The following THSD7A variants were observed in gnomAD, a reference collection of about 807,000 sequenced individuals.
The protein encoded by THSD7A is thrombospondin type-1 domain-containing protein 7A.
In THSD7A, 96 loss-of-function variants were observed where a neutral mutation model predicts 231.3. The ratio of observed to expected loss-of-function variants is 0.41; its 90% CI spans 0.35 to 0.49. The LOEUF is 0.49. Ranked by LOEUF, THSD7A falls within the 20% of genes least tolerant of loss-of-function variation. The pLI is 0.05. For synonymous variants in THSD7A, 940 were observed against 743.3 expected (o/e 1.26, Z -4.30); for missense variants, 2,290 against 2,070.2 (o/e 1.11, Z -2.06).
intron 1 of THSD7A, among the ~76,000 whole-genome samples, chr7:11,830,452 A>G (rs1274442831): frequency 1.3e-5 from 2 of 152,248 alleles, no homozygotes; most frequent in Non-Finnish European, 2.9e-5. Context: ...TAAATTAGAG[A>G]TCTTCAAATC....
chr7:11,478,275 C>T (rs1376505049), intron 7 of THSD7A, among the ~76,000 whole-genome samples: 1 of 152,146 alleles, frequency 6.6e-6, no homozygotes. Context: ...GGGCTGGCCA[C>T]CTTGATGCTG....
chr7:11,700,011 TAA>T (rs1186421933), intron 1 of THSD7A, among the ~76,000 whole-genome samples: 2 of 151,348 alleles, frequency 1.3e-5, no homozygotes, highest in African/African-American at 4.8e-5. Context: ...AGAATATCCT[TAA>T]AGTTATTTGG....
chr7:11,587,538 C>T lies in THSD7A; in HGVS notation c.1453+2922G>A, dbSNP rs1048196956. Among the ~76,000 whole-genome samples, 4 of 152,262 alleles carry T rather than the reference C, an allele frequency of 2.6e-5. No homozygotes were observed. In the South Asian group the frequency reaches 6.2e-4, roughly 24 times the overall value. On this transcript the variant is annotated intron_variant, in intron 4 of 27. Coordinates refer to ENST00000423059, the MANE Select transcript of THSD7A (RefSeq NM_015204.3). ...TACTCTTTACAGGTGCTATCTCCAA[C>T]TTAGGATATGTTCTGATGATATAAT... is the stretch of plus-strand genomic sequence containing the variant.
At chr7:11,780,997 C>CAAAAAAAAAAAAAAAAAAAAAAAAA (rs58931693) in intron 1 of THSD7A, among the ~76,000 whole-genome samples, 1 of 34,448 alleles carries the variant, frequency 2.9e-5, no homozygotes, top group African/African-American at 9.4e-5. Flanking sequence ...GACTCCGTCT[C>CAAAAAAAAAAAAAAAAAAAAAAAAA]AAAAAAAAAA....
At chr7:11,519,738 T>C (rs1335365647) in intron 6 of THSD7A, among the ~76,000 whole-genome samples, 1 of 152,214 alleles carries the variant, frequency 6.6e-6, no homozygotes, top group Non-Finnish European at 1.5e-5. Flanking sequence ...GACAGACTAA[T>C]ACCGATTTTA....
intron 4 of THSD7A, among the ~76,000 whole-genome samples, chr7:11,544,546 T>C (rs1789294148): frequency 6.6e-6 from 1 of 152,122 alleles, no homozygotes; most frequent in Non-Finnish European, 1.5e-5. Context: ...ACAGAGAAAT[T>C]AAAAAAATTT....
At position 11,407,438 on chromosome 7, in the gene THSD7A, G is replaced by T; in HGVS notation, c.3799-15C>A. The T allele has an allele frequency of 6.3e-7, 1 of 1,593,550 alleles. No homozygotes were observed. The highest frequency in any genetic ancestry group is 1.1e-5 in the South Asian group (1 of 89,184). On this transcript the variant is annotated splice_polypyrimidine_tract_variant and intron_variant, in intron 19 of 27. Coordinates refer to ENST00000423059, the MANE Select transcript of THSD7A (RefSeq NM_015204.3). ...TCCAAGCCAAGCTGGAAGAACAGAGGTAGATCAGGATGTATATTGTAAATT... is the reference window on the plus strand; with the variant it reads ...TCCAAGCCAAGCTGGAAGAACAGAGTTAGATCAGGATGTATATTGTAAATT...
chr7:11,434,255 G>A (rs185168490), intron 13 of THSD7A, among the ~76,000 whole-genome samples: 1 of 152,176 alleles, frequency 6.6e-6, no homozygotes, highest in Admixed American at 6.5e-5. Flanking sequence ...TAAAATAAAT[G>A]ACTTCACAAT....
At chr7:11,433,720 T>A (rs1022564973) in intron 13 of THSD7A, among the ~76,000 whole-genome samples, 1 of 152,054 alleles carries the variant, frequency 6.6e-6, no homozygotes, top group African/African-American at 2.4e-5. Flanking sequence ...TGGCCTTACA[T>A]GTCACTACCC....
intron 8 of THSD7A, among the ~76,000 whole-genome samples, chr7:11,470,394 T>C (rs1481165116): frequency 1.3e-5 from 2 of 152,054 alleles, no homozygotes; most frequent in Non-Finnish European, 2.9e-5. Context: ...ACTAGGCCTT[T>C]TGCCTATTAT....
At chr7:11,680,678 G>C (rs555374835) in intron 1 of THSD7A, among the ~76,000 whole-genome samples, 1 of 152,002 alleles carries the variant, frequency 6.6e-6, no homozygotes, top group Admixed American at 6.6e-5. Context: ...TTAGAATAGC[G>C]ATCATTCAAA....
chr7:11,760,320 C>T lies in THSD7A; in HGVS notation c.190+71437G>A, dbSNP rs74807629. Among the ~76,000 whole-genome samples, 545 of 152,010 alleles carry T rather than the reference C, an allele frequency of 3.6e-3. 4 individuals carry two copies. Among genetic ancestry groups the T allele is most frequent in the African/African-American group, 0.012 (515 of 41,484 alleles). The stretch of plus-strand genomic sequence containing the variant: ...TGTTGTAAGAAAGAACATTCAGTAA[C>T]GTTTAATAGATAGTGCTTCAAAAAT... On this transcript the variant is annotated intron_variant, in intron 1 of 27. Coordinates refer to ENST00000423059, the MANE Select transcript of THSD7A (RefSeq NM_015204.3).
chr7:11,472,150 TG>T (rs1158521816), intron 8 of THSD7A, among the ~76,000 whole-genome samples: 2 of 152,184 alleles, frequency 1.3e-5, no homozygotes, highest in Admixed American at 6.6e-5. Flanking sequence ...AAAATGAATT[TG>T]GACTTCCTTT....
chr7:11,813,972 C>A (rs929441282), intron 1 of THSD7A, among the ~76,000 whole-genome samples: 1 of 152,066 alleles, frequency 6.6e-6, no homozygotes. Context: ...TGTATTTATC[C>A]AGTGGAATTC....
In THSD7A at chr7:11,637,561, C is replaced by T. The variant is rs947948429; in HGVS notation, c.191-600G>A. On this transcript the variant is annotated intron_variant, in intron 1 of 27. Transcript: ENST00000423059. The surrounding 1 kb of genome is among the most constrained non-coding windows in gnomAD (Gnocchi z 4.2). ...AGAAGCAAAAATCTTCATTTACACACATTCTGCCTTTAAATTTACCAAATT... is the reference window on the plus strand; with the variant it reads ...AGAAGCAAAAATCTTCATTTACACATATTCTGCCTTTAAATTTACCAAATT... 1.3e-5 allele frequency among the ~76,000 whole-genome samples: 2 copies of T among 149,610 alleles called. No homozygotes were observed. Among genetic ancestry groups the T allele is most frequent in the South Asian group, 4.2e-4 (2 of 4,724 alleles).
intron 4 of THSD7A, among the ~76,000 whole-genome samples, chr7:11,568,703 C>G (rs983406635): frequency 2.1e-5 from 3 of 144,398 alleles, no homozygotes; most frequent in Admixed American, 1.4e-4. Flanking sequence ...ATTCTTATTC[C>G]ATAGAATATT....
chr7:11,784,693 C>T (rs558922239), intron 1 of THSD7A, among the ~76,000 whole-genome samples: 4 of 152,086 alleles, frequency 2.6e-5, no homozygotes, highest in South Asian at 2.1e-4. Flanking sequence ...TATACTTATT[C>T]TACAGCTTGG....
rs1786093939 is a variant in THSD7A at position 11,474,879 on chromosome 7, T to A, written c.2018-311A>T. Among the ~76,000 whole-genome samples the A allele has an allele frequency of 6.6e-6, 1 of 152,166 alleles. No individual in the cohort carries two copies. The highest frequency in any genetic ancestry group is 2.4e-5 in the African/African-American group (1 of 41,452). On this transcript the variant is annotated intron_variant, in intron 7 of 27. Transcript: ENST00000423059. The surrounding 1 kb of genome is among the most constrained non-coding windows in gnomAD (Gnocchi z 4.1). ...TGTGCGGTATTTAGTATAACTGGGA[T>A]TCAAGGAGTACAATTTCACTACTTT... is the stretch of plus-strand genomic sequence containing the variant.
chr7:11,663,817 T>C (rs1295670848), intron 1 of THSD7A, among the ~76,000 whole-genome samples: 1 of 151,696 alleles, frequency 6.6e-6, no homozygotes, highest in Non-Finnish European at 1.5e-5. Context: ...TATAAGACTA[T>C]ATATACAAGA....
Sources: gnomAD v4.1 joint callset for allele counts (sites outside exome capture counted in the v4.1 genomes callset) on GRCh38, gnomAD v4.1.1 for gene constraint, Gnocchi (gnomAD v3.1) non-coding constraint, MANE v1.5 for transcripts, NCBI Gene and HGNC (gene_info 2026-07-23, HGNC 2026-07-21) for gene names.